BDP1: variants seen among roughly 807,000 people sequenced by gnomAD.
The protein encoded by BDP1 is BDP1 general transcription factor IIIB subunit, also known as transcription factor TFIIIB component B'' homolog.
In BDP1, 169 loss-of-function variants were observed where a neutral mutation model predicts 266.6. That is an observed-to-expected ratio of 0.63 (90% CI 0.56 to 0.72). The LOEUF (loss-of-function observed/expected upper bound fraction) is 0.72, where lower values mean the gene tolerates loss of function less well. BDP1 is among the 30% of genes least tolerant of loss of function. The probability of loss-of-function intolerance (pLI) is 0.00; values close to 1 mark genes in which losing one functional copy is unlikely to be tolerated. For missense variants in BDP1, 3,015 were observed against 3,053.8 expected, an observed-to-expected ratio of 0.99 and a Z score of 0.30; for synonymous variants, 1,090 against 1,022.4, an observed-to-expected ratio of 1.07 and a Z score of -1.26.
rs1414686988 is a variant in BDP1 at position 71,532,437 on chromosome 5, C to T, written c.5892+10C>T. The T allele has an allele frequency of 1.9e-6, 3 of 1,611,558 alleles. No homozygotes were observed. The highest frequency in any genetic ancestry group is 1.1e-5 in the South Asian group (1 of 90,588). On this transcript the variant is annotated intron_variant, in intron 26 of 38. Coordinates refer to ENST00000358731, the MANE Select transcript of BDP1 (RefSeq NM_018429.3). ...TTTGAGTGTACCGTTTGTAAGCATC[C>T]ATTTTAATATGTTTTGGCCTTTTAT...
intron 7 of BDP1, 64 bp downstream of exon 7, chr5:71,470,553 T>A (rs184323030): frequency 7.6e-6 from 8 of 1,056,256 alleles, no homozygotes; most frequent in Non-Finnish European, 1.1e-5. Flanking sequence ...GTTAGTAGTA[T>A]TATTCGCTTA....
At chr5:71,535,754 T>G (rs1215399946) in intron 26 of BDP1, among the ~76,000 whole-genome samples, 1 of 152,088 alleles carries the variant, frequency 6.6e-6, no homozygotes, top group African/African-American at 2.4e-5. Flanking sequence ...TCCTTACCAT[T>G]TCTCAGCATG....
In BDP1 at chr5:71,506,819, A is replaced by C. The variant is rs950350426; in HGVS notation, c.2372+2068A>C. Among the ~76,000 whole-genome samples, 43 of 78,042 alleles carry C rather than the reference A, an allele frequency of 5.5e-4. 1 individual carries two copies. Among genetic ancestry groups the C allele is most frequent in the South Asian group, 5.1e-3 (12 of 2,334 alleles). The allele number at this position is 78,042 out of a possible 152,430, so 51.2% of individuals were successfully genotyped here. ...CACACACACACACACACACACACAC[A>C]CACACCCATATTTTTTTAAAGACAA... On this transcript the variant is annotated intron_variant, in intron 16 of 38. Transcript: ENST00000358731.
At chr5:71,487,814 A>G (rs1312278453) in intron 9 of BDP1, among the ~76,000 whole-genome samples, 2 of 152,228 alleles carry the variant, frequency 1.3e-5, no homozygotes, top group African/African-American at 4.8e-5. Flanking sequence ...AGGCACAGTG[A>G]GCCACTCTTA....
At chr5:71,476,628 C>A (rs1194870892) in intron 7 of BDP1, among the ~76,000 whole-genome samples, 1 of 152,140 alleles carries the variant, frequency 6.6e-6, no homozygotes, top group Admixed American at 6.5e-5. Context: ...GCATCCTCTG[C>A]TTTCCAGGTT....
Position 71,508,305 on chromosome 5 carries a change from TTTTG to T in BDP1, c.2373-1148_2373-1145del, listed in dbSNP as rs1017864837. ...AAATCTTTTGCTTATTTGTTTTGTTTTTTGTTTGTTTGTTTTGAGATGGGATCTT... is the reference window on the plus strand; with the variant it reads ...AAATCTTTTGCTTATTTGTTTTGTTTTTTGTTTGTTTTGAGATGGGATCTT... On this transcript the variant is annotated intron_variant, in intron 16 of 38. Transcript: ENST00000358731. Among the ~76,000 whole-genome samples the T allele has an allele frequency of 4.6e-5, 7 of 152,006 alleles. No homozygotes were observed. In the South Asian group the frequency reaches 6.3e-4, roughly 14 times the overall value.
In BDP1 at chr5:71,509,869, A is replaced by T. The variant is rs542268104; in HGVS notation, c.2777A>T (p.Asp926Val). ...GTGATTGATGCCACTGAGGAAATAG[A>T]CAAAGATTTGGAAGAAGCTGGAAGA... Reference protein sequence around the residue: ...PEVIDATEEIDKDLEEAGRRE... With the variant: ...PEVIDATEEIVKDLEEAGRRE... The change falls in exon 17 of 39, where the codon GAC (aspartate) becomes GTC (valine). Residue 926 changes from aspartate (D) to valine (V), a missense_variant. This residue lies in a region of BDP1 where 2,383 missense variants were observed against 2,404.9 expected (regional missense o/e 0.99). Transcript: ENST00000358731. The T allele has an allele frequency of 6.2e-7, 1 of 1,614,152 alleles. No individual in the cohort carries two copies. Among genetic ancestry groups the T allele is most frequent in the African/African-American group, 1.3e-5 (1 of 75,026 alleles).
At position 71,525,137 on chromosome 5, in the gene BDP1, A is replaced by G. The variant is rs567557262; in HGVS notation, c.5772+814A>G. On this transcript the variant is annotated intron_variant, in intron 25 of 38. Transcript: ENST00000358731. ...CCATTGTCATCATGGCCTGTTCTCA[A>G]TGAGCTGTTGAGTACACCTCGCAGA... Among the ~76,000 whole-genome samples, 16 of 152,268 alleles carry G rather than the reference A, an allele frequency of 1.1e-4. No individual in the cohort carries two copies. The East Asian group carries it at 3.1e-3, about 29-fold the overall frequency.
intron 7 of BDP1, among the ~76,000 whole-genome samples, chr5:71,475,508 G>T (rs968723093): frequency 3.3e-5 from 5 of 152,116 alleles, no homozygotes; most frequent in African/African-American, 1.2e-4. Flanking sequence ...TTTTACTCCA[G>T]GCCATAAATA....
At chr5:71,466,796 T>A (rs1479822051) in intron 5 of BDP1, among the ~76,000 whole-genome samples, 1 of 152,168 alleles carries the variant, frequency 6.6e-6, no homozygotes, top group Admixed American at 6.5e-5. Flanking sequence ...AATAAAGCAA[T>A]GGAAGGTCTT....
At position 71,556,925 on chromosome 5, in the gene BDP1, G is replaced by GTT; in HGVS notation, c.7240_7240+1insTT (p.Gly2414ValfsTer18). ...ATTAACAAATGTTTTTGAGGAAACA[G>GTT]GTAAGTGAAATACATTTTAACATGA... On this transcript the variant is annotated frameshift_variant and splice_region_variant. Transcript: ENST00000358731. LOFTEE classifies it high-confidence loss of function. The GTT allele has an allele frequency of 6.9e-7, 1 of 1,444,464 alleles. No individual in the cohort carries two copies. Among genetic ancestry groups the GTT allele is most frequent in the Non-Finnish European group, 9.2e-7 (1 of 1,082,008 alleles). 89.5% of individuals were successfully genotyped at this position (1,444,464 alleles called of 1,614,324 possible).
At position 71,539,540 on chromosome 5, in the gene BDP1, A is replaced by T; in HGVS notation, c.5930-17A>T. ...GGATTCATTCTTTTTTTTAATGTTG[A>T]TATATTTCCTCACAAGGTACCAATG... On this transcript the variant is annotated splice_polypyrimidine_tract_variant and intron_variant, in intron 27 of 38. Coordinates refer to ENST00000358731, the MANE Select transcript of BDP1 (RefSeq NM_018429.3). 2 of 1,572,004 alleles carry T rather than the reference A, an allele frequency of 1.3e-6. No individual in the cohort carries two copies. The highest frequency in any genetic ancestry group is 1.7e-6 in the Non-Finnish European group (2 of 1,149,988).
intron 7 of BDP1, 90 bp downstream of exon 7, chr5:71,470,579 T>G: frequency 1.1e-6 from 1 of 873,310 alleles, no homozygotes; most frequent in South Asian, 1.7e-5. Context: ...GGTTTAAATC[T>G]TAGTTCATCT....
In BDP1 at chr5:71,510,754, G is replaced by A. The variant is rs1382235364; in HGVS notation, c.3662G>A (p.Gly1221Asp). ...GGCCCAGAGGAGGTCAAGCCTGTAG[G>A]TAAAATGGAGACAGATTTGAAAGAA... ...ENGPEEVKPV[G>D]KMETDLKEIR... Residue 1221 changes from glycine to aspartate, a missense_variant, in exon 17 of 39, where the codon GGT becomes GAT. This residue lies in a region of BDP1 where 2,383 missense variants were observed against 2,404.9 expected (regional missense o/e 0.99). Coordinates refer to ENST00000358731, the MANE Select transcript of BDP1 (RefSeq NM_018429.3). 6.2e-7 allele frequency: 1 copy of A among 1,613,988 alleles called. No individual in the cohort carries two copies. The highest frequency in any genetic ancestry group is 1.7e-5 in the Admixed American group (1 of 59,982).
intron 29 of BDP1, 60 bp downstream of exon 29, chr5:71,541,742 C>A: frequency 9.6e-7 from 1 of 1,041,546 alleles, no homozygotes; most frequent in African/African-American, 1.6e-5. Flanking sequence ...TAGTTAATAG[C>A]TTTGAGTAAT....
chr5:71,558,090 CAA>C (rs1368068366), intron 36 of BDP1, among the ~76,000 whole-genome samples: 1 of 152,126 alleles, frequency 6.6e-6, no homozygotes, highest in East Asian at 1.9e-4. Flanking sequence ...TCTTTTCTCT[CAA>C]AGTTAGGCTT....
At chr5:71,493,906 G>C (rs1160179698) in intron 11 of BDP1, among the ~76,000 whole-genome samples, 1 of 152,152 alleles carries the variant, frequency 6.6e-6, no homozygotes, top group African/African-American at 2.4e-5. Context: ...TTTGATCCTT[G>C]TGTTACCATA....
At chr5:71,508,945 A>G (rs1212712503) in intron 16 of BDP1, among the ~76,000 whole-genome samples, 1 of 152,204 alleles carries the variant, frequency 6.6e-6, no homozygotes, top group Non-Finnish European at 1.5e-5. Flanking sequence ...TGTATAGGAA[A>G]TCTCATATAA....
intron 7 of BDP1, among the ~76,000 whole-genome samples, chr5:71,478,113 G>A (rs949659143): frequency 1.3e-5 from 2 of 152,156 alleles, no homozygotes; most frequent in African/African-American, 2.4e-5. Context: ...AGCCAGGCGT[G>A]GTGGCACATG....
Sources: allele counts gnomAD v4.1 joint callset (sites outside exome capture counted in the v4.1 genomes callset), GRCh38; gene constraint gnomAD v4.1.1; regional missense constraint gnomAD v4.1.1; transcripts MANE v1.5; gene names NCBI Gene and HGNC (gene_info 2026-07-23, HGNC 2026-07-21).